PCCA: variants seen among roughly 807,000 people sequenced by gnomAD.
PCCA encodes the protein propionyl-CoA carboxylase alpha chain, mitochondrial.
In PCCA, 74 loss-of-function variants were observed where a neutral mutation model predicts 101.3. That is an observed-to-expected ratio of 0.73 (90% CI 0.61 to 0.89). The LOEUF is 0.89. PCCA is among the 40% of genes least tolerant of loss of function. The pLI, the probability that PCCA is intolerant of heterozygous loss-of-function variation, is 0.00. For synonymous variants in PCCA, 294 were observed against 313.6 expected (o/e 0.94, Z 0.66); for missense variants, 891 against 907.0 (o/e 0.98, Z 0.23).
chr13:100,337,172 G>A (rs1425518113), intron 17 of PCCA, among the ~76,000 whole-genome samples: 4 of 152,168 alleles, frequency 2.6e-5, no homozygotes, highest in African/African-American at 9.7e-5. Flanking sequence ...AGAAAAAGGA[G>A]CTGCCCTCAT....
intron 21 of PCCA, among the ~76,000 whole-genome samples, chr13:100,474,703 G>A (rs569041192): frequency 1.3e-5 from 2 of 152,094 alleles, no homozygotes; most frequent in Non-Finnish European, 2.9e-5. Flanking sequence ...TGCCCAGGCT[G>A]GTCTCGAACT....
At chr13:100,296,847 A>G (rs1013534083) in intron 12 of PCCA, among the ~76,000 whole-genome samples, 2 of 152,180 alleles carry the variant, frequency 1.3e-5, no homozygotes, top group Admixed American at 6.5e-5. Context: ...TTTAGGGACT[A>G]TATTCAAATT....
intron 17 of PCCA, among the ~76,000 whole-genome samples, chr13:100,339,240 C>G (rs1276010912): frequency 6.6e-6 from 1 of 152,108 alleles, no homozygotes; most frequent in Non-Finnish European, 1.5e-5. Context: ...TGTACATGTT[C>G]AGTACAGACA....
chr13:100,341,472 A>G (rs1031949540), intron 18 of PCCA, among the ~76,000 whole-genome samples: 1 of 152,156 alleles, frequency 6.6e-6, no homozygotes, highest in Admixed American at 6.5e-5. Flanking sequence ...TTAAGATTAA[A>G]GTGAATGGAA....
At chr13:100,251,151 A>G (rs539562312) in intron 8 of PCCA, among the ~76,000 whole-genome samples, 8 of 152,304 alleles carry the variant, frequency 5.3e-5, no homozygotes, top group African/African-American at 1.7e-4. Context: ...TATTATGATA[A>G]CTGAGATAAA....
intron 7 of PCCA, among the ~76,000 whole-genome samples, chr13:100,229,250 C>T (rs757592022): frequency 1.2e-4 from 18 of 152,098 alleles, no homozygotes; most frequent in Non-Finnish European, 2.2e-4. Flanking sequence ...TTGCCCAATG[C>T]CAACAGTATT....
intron 6 of PCCA, among the ~76,000 whole-genome samples, chr13:100,162,080 ATGTGTGTGTGTGTG>A (rs3034650): frequency 6.8e-6 from 1 of 146,812 alleles, no homozygotes; most frequent in Non-Finnish European, 1.5e-5. Context: ...GTGTGTCTGT[ATGTGTGTGTGTGTG>A]TGTGTGTGTG....
intron 21 of PCCA, among the ~76,000 whole-genome samples, chr13:100,474,330 C>T (rs1008241007): frequency 3.3e-5 from 5 of 152,182 alleles, no homozygotes; most frequent in Non-Finnish European, 7.4e-5. Flanking sequence ...GTATAGTGAA[C>T]GTCCTGCTTA....
At chr13:100,375,422 TG>T (rs1261845567) in intron 19 of PCCA, among the ~76,000 whole-genome samples, 1 of 152,172 alleles carries the variant, frequency 6.6e-6, no homozygotes, top group Non-Finnish European at 1.5e-5. Flanking sequence ...TGAATATCCT[TG>T]TTAATTTTCT....
intron 4 of PCCA, among the ~76,000 whole-genome samples, chr13:100,154,270 G>C (rs571494135): frequency 6.6e-6 from 1 of 152,250 alleles, no homozygotes; most frequent in South Asian, 2.1e-4. Flanking sequence ...TGAATGCTTA[G>C]CTTCTATTAT....
At chr13:100,319,023 C>T (rs1337942221) in intron 16 of PCCA, among the ~76,000 whole-genome samples, 1 of 152,110 alleles carries the variant, frequency 6.6e-6, no homozygotes, top group South Asian at 2.1e-4. Flanking sequence ...TAATGATTGC[C>T]ATTCTAACTG....
rs1210676697 is a variant in PCCA at position 100,524,374 on chromosome 13, CGTGTGT to C, written c.2041-3268_2041-3263del. On this transcript the variant is annotated intron_variant, in intron 22 of 23. Coordinates refer to ENST00000376285, the MANE Select transcript of PCCA (RefSeq NM_000282.4). The stretch of plus-strand genomic sequence containing the variant: ...AAACATGTTGAAATTCAATTAAGCT[CGTGTGT>C]GTGTGTGTGTGTGTGTGTGTGTGTG... Among the ~76,000 whole-genome samples, 1,092 of 139,166 alleles carry C rather than the reference CGTGTGT, an allele frequency of 7.8e-3. 13 individuals are homozygous for C. The highest frequency in any genetic ancestry group is 0.027 in the African/African-American group (1,016 of 38,154). 91.3% of individuals were successfully genotyped at this position (139,166 alleles called of 152,430 possible).
intron 6 of PCCA, among the ~76,000 whole-genome samples, chr13:100,173,595 A>G (rs568178448): frequency 1.3e-5 from 2 of 152,304 alleles, no homozygotes; most frequent in Non-Finnish European, 1.5e-5. Flanking sequence ...AGCAAAATAG[A>G]GTCAAGCTCC....
chr13:100,152,491 G>T (rs2053453272), intron 4 of PCCA, among the ~76,000 whole-genome samples: 1 of 151,844 alleles, frequency 6.6e-6, no homozygotes, highest in Admixed American at 6.6e-5. Context: ...CTGTTGCCCA[G>T]GCTGGAGTGC....
rs79068070 is a variant in PCCA at position 100,440,965 on chromosome 13, G to A, written c.1846-8287G>A. Among the ~76,000 whole-genome samples the A allele has an allele frequency of 9.0e-3, 1,373 of 152,222 alleles. 20 individuals carry two copies. The highest frequency in any genetic ancestry group is 0.031 in the African/African-American group (1,291 of 41,524). On this transcript the variant is annotated intron_variant, in intron 20 of 23. Coordinates refer to ENST00000376285, the MANE Select transcript of PCCA (RefSeq NM_000282.4). ...CTCTGCTTTAAAATATTTCAAGGCAGTTTAACAGCTGGGATGTATTTACAG... is the reference window on the plus strand; with the variant it reads ...CTCTGCTTTAAAATATTTCAAGGCAATTTAACAGCTGGGATGTATTTACAG...
intron 4 of PCCA, among the ~76,000 whole-genome samples, chr13:100,147,104 ACT>A (rs1192986315): frequency 6.6e-6 from 1 of 152,104 alleles, no homozygotes; most frequent in Non-Finnish European, 1.5e-5. Context: ...ATGAAATAAA[ACT>A]CTGCACCTTT....
At chr13:100,111,911 T>C in intron 3 of PCCA, 23 bp downstream of exon 3, 2 of 1,603,918 alleles carry the variant, frequency 1.2e-6, no homozygotes, top group Non-Finnish European at 1.7e-6. Context: ...TTCGTCTTAT[T>C]TTCCATTTTA....
At chr13:100,209,578 ATG>A in intron 7 of PCCA, 115 bp downstream of exon 7, 7 of 765,108 alleles carry the variant, frequency 9.1e-6, no homozygotes, top group South Asian at 1.4e-5. Context: ...ACACACACAT[ATG>A]CACGCACATA....
chr13:100,514,799 C>G (rs1240760868), intron 21 of PCCA, among the ~76,000 whole-genome samples: 1 of 152,210 alleles, frequency 6.6e-6, no homozygotes, highest in Non-Finnish European at 1.5e-5. Flanking sequence ...TATCTTGCAT[C>G]TTTTCCTAAC....
Sources: allele counts gnomAD v4.1 joint callset (sites outside exome capture counted in the v4.1 genomes callset), GRCh38; gene constraint gnomAD v4.1.1; transcripts MANE v1.5; gene names NCBI Gene and HGNC (gene_info 2026-07-23, HGNC 2026-07-21).